DOCK9: variants seen among roughly 807,000 people sequenced by gnomAD.
DOCK9 encodes the protein dedicator of cytokinesis 9, also known as dedicator of cytokinesis protein 9.
In DOCK9, 89 loss-of-function variants were observed where a neutral mutation model predicts 263.3. That is an observed-to-expected ratio of 0.34 (90% confidence interval 0.28 to 0.40). The LOEUF (loss-of-function observed/expected upper bound fraction) is 0.40, where lower values mean the gene tolerates loss of function less well. DOCK9 is among the 10% of genes least tolerant of loss of function. The pLI is 1.00. For synonymous variants in DOCK9, 976 were observed against 973.1 expected (o/e 1.00, Z -0.06); for missense variants, 2,140 against 2,603.4 (o/e 0.82, Z 3.87).
At chr13:98,818,843 G>T (rs2092079485) in intron 45 of DOCK9, among the ~76,000 whole-genome samples, 1 of 152,148 alleles carries the variant, frequency 6.6e-6, no homozygotes, top group Non-Finnish European at 1.5e-5. Context: ...GTGTGTGTGT[G>T]TGTGTGTGCG....
intron 1 of DOCK9, among the ~76,000 whole-genome samples, chr13:99,058,405 G>A (rs574830096): frequency 3.9e-5 from 6 of 151,944 alleles, no homozygotes; most frequent in Non-Finnish European, 5.9e-5. Context: ...CAAGTGATCC[G>A]CCCACCTCGG....
intron 1 of DOCK9, among the ~76,000 whole-genome samples, chr13:99,017,429 G>A (rs1885559003): frequency 6.6e-6 from 1 of 152,122 alleles, no homozygotes; most frequent in Non-Finnish European, 1.5e-5. Context: ...AATAAAGAGA[G>A]TACCTGGAAA....
Position 98,977,771 on chromosome 13 carries a change from G to A in DOCK9, c.126+13C>T, listed in dbSNP as rs776148832. 3.8e-5 allele frequency: 61 copies of A among 1,611,100 alleles called. No homozygotes were observed. The highest frequency in any genetic ancestry group is 6.7e-5 in the Admixed American group (4 of 59,826). ...GGGTAGACACAGCAACACTTTGTAC[G>A]AGACCCTCTTACCGGCACAGGGCCC... On this transcript the variant is annotated intron_variant, in intron 1 of 52. Transcript: ENST00000682017.
intron 27 of DOCK9, among the ~76,000 whole-genome samples, chr13:98,878,403 C>T (rs2044204143): frequency 6.6e-6 from 1 of 152,214 alleles, no homozygotes; most frequent in Non-Finnish European, 1.5e-5. Flanking sequence ...TTTTCTCCCC[C>T]ATCACCTCCT....
chr13:99,023,310 C>T (rs922876552), intron 1 of DOCK9, among the ~76,000 whole-genome samples: 2 of 152,310 alleles, frequency 1.3e-5, no homozygotes, highest in East Asian at 1.9e-4. Flanking sequence ...CCTTAAAATG[C>T]AAGAAATTTT....
intron 1 of DOCK9, among the ~76,000 whole-genome samples, chr13:98,974,820 T>C (rs1595771127): frequency 6.6e-6 from 1 of 150,572 alleles, no homozygotes; most frequent in East Asian, 2.0e-4. Flanking sequence ...ATACTAACTT[T>C]CCCTAACACT....
chr13:98,870,967 C>G (rs1005308852), intron 27 of DOCK9, among the ~76,000 whole-genome samples: 3 of 150,650 alleles, frequency 2.0e-5, no homozygotes, highest in Non-Finnish European at 2.9e-5. Flanking sequence ...CTCAGAAACA[C>G]AGCAACTAAA....
rs71114578 is a variant in DOCK9, at chr13:99,071,306, C to CTTTTTTTTTTTTTTTTTTTTTTT, written c.129+14894_129+14916dup. Reference sequence around the variant, plus strand: ...TACAGGTGCTTGCCACCATGCCTGGCTTTTTTTTTTTTTTTTTTTTTTTTT... The same window carrying CTTTTTTTTTTTTTTTTTTTTTTT: ...TACAGGTGCTTGCCACCATGCCTGGCTTTTTTTTTTTTTTTTTTTTTTTTTTTTTTTTTTTTTTTTTTTTTTTT... On this transcript the variant is annotated intron_variant, in intron 1 of 32. Transcript: ENST00000427887. Among the ~76,000 whole-genome samples the CTTTTTTTTTTTTTTTTTTTTTTT allele has an allele frequency of 3.2e-4, 16 of 49,330 alleles. 1 individual carries two copies. The highest frequency in any genetic ancestry group is 9.0e-4 in the South Asian group (1 of 1,108). 32.4% of individuals were successfully genotyped at this position (49,330 alleles called of 152,430 possible).
intron 44 of DOCK9, among the ~76,000 whole-genome samples, chr13:98,826,359 C>T (rs987482659): frequency 5.9e-5 from 9 of 152,158 alleles, no homozygotes; most frequent in African/African-American, 1.9e-4. Flanking sequence ...ACAAATGAAG[C>T]GTCACTCCTC....
intron 1 of DOCK9, among the ~76,000 whole-genome samples, chr13:99,053,067 T>C (rs2040774497): frequency 6.6e-6 from 1 of 152,190 alleles, no homozygotes; most frequent in Non-Finnish European, 1.5e-5. Flanking sequence ...CCCAATTTCT[T>C]GGTTGTCTCC....
intron 12 of DOCK9, 94 bp downstream of exon 12, chr13:98,902,194 T>G: frequency 1.5e-6 from 2 of 1,322,122 alleles, no homozygotes; most frequent in South Asian, 2.9e-5. Context: ...ACCCCACTTG[T>G]GCATTACAAG....
chr13:99,073,745 C>T (rs2041793253), intron 1 of DOCK9, among the ~76,000 whole-genome samples: 1 of 152,172 alleles, frequency 6.6e-6, no homozygotes, highest in African/African-American at 2.4e-5. Flanking sequence ...TCCTTTGTGG[C>T]ATTTTTTCCA....
chr13:98,998,233 C>T (rs1461123979), intron 1 of DOCK9, among the ~76,000 whole-genome samples: 1 of 152,070 alleles, frequency 6.6e-6, no homozygotes, highest in Non-Finnish European at 1.5e-5. Context: ...CAGCAAGGTC[C>T]GGGCACCCAG....
chr13:99,028,643 A>T lies in DOCK9; in HGVS notation c.129+57580T>A, dbSNP rs9517556. Reference sequence around the variant, plus strand: ...TGTTGAAACTTACCTCTACAATTTAACTCTGGATAACACAACATTCAAGCA... The same window carrying T: ...TGTTGAAACTTACCTCTACAATTTATCTCTGGATAACACAACATTCAAGCA... On this transcript the variant is annotated intron_variant, in intron 1 of 32. Transcript: ENST00000427887. Among the ~76,000 whole-genome samples the T allele has an allele frequency of 9.5e-3, 1,448 of 152,292 alleles. 9 individuals are homozygous for T. The highest frequency in any genetic ancestry group is 0.022 in the South Asian group (107 of 4,820).
chr13:98,875,167 C>G (rs2043626075), intron 27 of DOCK9, among the ~76,000 whole-genome samples: 1 of 152,180 alleles, frequency 6.6e-6, no homozygotes, highest in East Asian at 1.9e-4. Context: ...TCTCCAGTGA[C>G]TAGGTGAGCT....
At chr13:99,079,273 C>A (rs1456954224) in intron 1 of DOCK9, among the ~76,000 whole-genome samples, 3 of 152,188 alleles carry the variant, frequency 2.0e-5, no homozygotes, top group Non-Finnish European at 4.4e-5. Context: ...CTTACAGAGA[C>A]AGACATTTAG....
At chr13:98,916,145 G>A (rs12428129) in intron 7 of DOCK9, among the ~76,000 whole-genome samples, 5 of 152,238 alleles carry the variant, frequency 3.3e-5, no homozygotes, top group Non-Finnish European at 7.4e-5. Flanking sequence ...GTAACAGACG[G>A]AAGATGAACA....
chr13:98,802,252 G>A (rs1001887619), intron 49 of DOCK9, among the ~76,000 whole-genome samples: 2 of 152,164 alleles, frequency 1.3e-5, no homozygotes, highest in African/African-American at 4.8e-5. Context: ...GTCTCCTCTG[G>A]CTAGAATGCC....
At chr13:98,863,255 A>C in intron 31 of DOCK9, 115 bp downstream of exon 31, 1 of 1,514,484 alleles carries the variant, frequency 6.6e-7, no homozygotes, top group Non-Finnish European at 9.0e-7. Context: ...TTAGTCCCAA[A>C]ATAGAGCAAA....
Sources: allele counts gnomAD v4.1 joint callset (sites outside exome capture counted in the v4.1 genomes callset), GRCh38; gene constraint gnomAD v4.1.1; transcripts MANE v1.5; gene names NCBI Gene and HGNC (gene_info 2026-07-23, HGNC 2026-07-21).